MGST1: variants seen among roughly 807,000 people sequenced by gnomAD.
MGST1 encodes the protein glutathione S-transferase 12.
A neutral mutation model predicts 8.9 loss-of-function variants in MGST1; 5 were observed. The ratio of observed to expected loss-of-function variants is 0.56; its 90% confidence interval spans 0.29 to 1.19. MGST1 has a LOEUF of 1.19. Ranked by LOEUF, MGST1 falls within the 50% of genes most tolerant of loss-of-function variation. The pLI is 0.08. For synonymous variants in MGST1, 54 were observed against 67.8 expected (o/e 0.80, Z 1.00); for missense variants, 182 against 187.4 (o/e 0.97, Z 0.17).
intron 1 of MGST1, among the ~76,000 whole-genome samples, chr12:16,384,579 T>A (rs1940487478): frequency 6.6e-6 from 1 of 152,136 alleles, no homozygotes; most frequent in Non-Finnish European, 1.5e-5. Flanking sequence ...TGATTTCAGG[T>A]TTCTGACCTC....
At chr12:16,592,334 A>AC (rs1334531057), downstream of MGST1, among the ~76,000 whole-genome samples, 2 of 151,902 alleles carry the variant, frequency 1.3e-5, no homozygotes, top group Non-Finnish European at 2.9e-5. Flanking sequence ...ACTTTCTAAT[A>AC]TTTTTCCTAA....
chr12:16,550,164 A>G (rs1167227121), intron 4 of MGST1: 1 of 152,090 alleles, frequency 6.6e-6, no homozygotes, highest in Non-Finnish European at 1.5e-5. Flanking sequence ...CATAGCTTCA[A>G]TGTGCATTAT....
rs375612683 is a variant in MGST1, at chr12:16,584,308, C to G, written n.483-5220C>G. The stretch of plus-strand genomic sequence containing the variant: ...TGGGATTTACATGAGTAAGTAGTAC[C>G]TTGCACCTGTTGACAGCTGAAAGAA... On this transcript the variant is annotated intron_variant and non_coding_transcript_variant, in intron 4 of 4. Coordinates refer to the MGST1 transcript ENST00000538857. This position sits in a 1 kb window ranked among gnomAD's most constrained non-coding sequence, Gnocchi z 5.2. Among the ~76,000 whole-genome samples the G allele has an allele frequency of 5.3e-5, 8 of 152,242 alleles. No homozygotes were observed. The South Asian group carries it at 1.0e-3, about 20-fold the overall frequency.
At position 16,369,883 on chromosome 12, in the gene MGST1, G is replaced by T. The variant is rs2137019858; in HGVS notation, c.222-6239G>T. On this transcript the variant is annotated intron_variant, in intron 3 of 3. Coordinates refer to the MGST1 transcript ENST00000535309. This position sits in a 1 kb window ranked among gnomAD's most constrained non-coding sequence, Gnocchi z 4.8. The stretch of plus-strand genomic sequence containing the variant: ...ATCCACCAACATGCCCTTGGCCAGA[G>T]AAAGTCACAGGGCTGGCCTCAGAAC... 6.6e-6 allele frequency: 1 copy of T among 152,368 alleles called. No individual in the cohort carries two copies. Among genetic ancestry groups the T allele is most frequent in the South Asian group, 2.1e-4 (1 of 4,830 alleles). 9.4% of individuals were successfully genotyped at this position (152,368 alleles called of 1,614,324 possible).
At chr12:16,470,450 G>A (rs1342297136) in intron 4 of MGST1, among the ~76,000 whole-genome samples, 5 of 152,160 alleles carry the variant, frequency 3.3e-5, no homozygotes. Context: ...TTGAAGAACA[G>A]CTTTCTTATG....
At chr12:16,398,064 T>A (rs982056297) in intron 1 of MGST1, among the ~76,000 whole-genome samples, 33 of 147,394 alleles carry the variant, frequency 2.2e-4, no homozygotes, top group Admixed American at 2.0e-3. Context: ...TCTTATAGAG[T>A]TTTTTTTCCA....
Position 16,585,457 on chromosome 12 carries a change from TTG to T in MGST1, n.483-4069_483-4068del, listed in dbSNP as rs1943290278. Among the ~76,000 whole-genome samples the T allele has an allele frequency of 6.6e-6, 1 of 152,212 alleles. No individual in the cohort carries two copies. The highest frequency in any genetic ancestry group is 2.4e-5 in the African/African-American group (1 of 41,464). ...TCATCCTACACAGTGAGCATAAATG[TTG>T]TTTCAAATATTGTTCCCAAATATTA... On this transcript the variant is annotated intron_variant and non_coding_transcript_variant, in intron 4 of 4. Transcript: ENST00000538857. This position sits in a 1 kb window ranked among gnomAD's most constrained non-coding sequence, Gnocchi z 4.7.
chr12:16,377,855 G>A (rs1940405698), downstream of MGST1, among the ~76,000 whole-genome samples: 8 of 150,484 alleles, frequency 5.3e-5, no homozygotes, highest in Admixed American at 4.0e-4. Context: ...GTGTGAGATG[G>A]TATCTCATTG....
intron 4 of MGST1, among the ~76,000 whole-genome samples, chr12:16,561,774 A>T (rs1942414774): frequency 6.6e-6 from 1 of 152,196 alleles, no homozygotes; most frequent in South Asian, 2.1e-4. Flanking sequence ...ATGGTTTCTA[A>T]GTGTCTGGCA....
rs1418901226 is a variant in MGST1, at chr12:16,560,268, C to G, written n.483-29260C>G. ...ACCTTTCTTCTCCTTAGTAGCTTGT[C>G]TCTGGCATGGGATTAAAGTTTACAG... On this transcript the variant is annotated intron_variant and non_coding_transcript_variant, in intron 4 of 4. Transcript: ENST00000538857. This position sits in a 1 kb window ranked among gnomAD's most constrained non-coding sequence, Gnocchi z 5.0. The G allele has an allele frequency of 2.5e-6, 2 of 804,358 alleles. No homozygotes were observed. The highest frequency in any genetic ancestry group is 5.7e-5 in the East Asian group (2 of 34,892). 49.8% of individuals were successfully genotyped at this position (804,358 alleles called of 1,614,324 possible).
intron 4 of MGST1, among the ~76,000 whole-genome samples, chr12:16,545,122 CTT>C (rs1941815680): frequency 6.6e-6 from 1 of 151,950 alleles, no homozygotes; most frequent in Non-Finnish European, 1.5e-5. Flanking sequence ...GTACTTGAAA[CTT>C]ATTACATGGG....
intron 3 of MGST1, among the ~76,000 whole-genome samples, chr12:16,372,983 A>AATATAGTATATATT (rs1940321389): frequency 6.8e-6 from 1 of 147,394 alleles, no homozygotes; most frequent in South Asian, 2.1e-4. Flanking sequence ...CATATTATAT[A>AATATAGTATATATT]ATATAGTATA....
chr12:16,355,654 C>T (rs1367601206), intron 2 of MGST1, among the ~76,000 whole-genome samples: 1 of 152,178 alleles, frequency 6.6e-6, no homozygotes, highest in Non-Finnish European at 1.5e-5. Context: ...AGGAAATGTA[C>T]CCTGTCTTAA....
chr12:16,548,327 C>A lies in MGST1; in HGVS notation n.483-41201C>A, dbSNP rs1156397655. 6.6e-6 allele frequency: 1 copy of A among 151,010 alleles called. No homozygotes were observed. The highest frequency in any genetic ancestry group is 1.9e-4 in the East Asian group (1 of 5,156). 9.4% of individuals were successfully genotyped at this position (151,010 alleles called of 1,614,324 possible). A position where few individuals can be genotyped will look rare whatever the true frequency, so the allele number is the denominator to read the frequency against. On this transcript the variant is annotated intron_variant and non_coding_transcript_variant, in intron 4 of 4. Transcript: ENST00000538857. The surrounding 1 kb of genome is among the most constrained non-coding windows in gnomAD (Gnocchi z 4.2). The stretch of plus-strand genomic sequence containing the variant: ...TTTCTTTTCATGGACTTAACATATG[C>A]TTTCTAGAGATCATCTTAAATTTTG...
chr12:16,501,405 G>C (rs1435161037), intron 4 of MGST1, among the ~76,000 whole-genome samples: 1 of 152,194 alleles, frequency 6.6e-6, no homozygotes, highest in Non-Finnish European at 1.5e-5. Flanking sequence ...CACACAGTGT[G>C]GCAAAGATAA....
At chr12:16,488,783 T>A (rs980893806) in intron 4 of MGST1, among the ~76,000 whole-genome samples, 10 of 152,146 alleles carry the variant, frequency 6.6e-5, no homozygotes, top group Non-Finnish European at 1.3e-4. Context: ...TGCATTTTTT[T>A]AATCACTATT....
chr12:16,354,514 GT>G, intron 2 of MGST1, 136 bp downstream of exon 2: 1 of 762,470 alleles, frequency 1.3e-6, no homozygotes. Context: ...GTATGCCATC[GT>G]TTGGCACAGA....
chr12:16,453,023 G>T (rs1387209046), intron 4 of MGST1, among the ~76,000 whole-genome samples: 1 of 151,890 alleles, frequency 6.6e-6, no homozygotes, highest in Non-Finnish European at 1.5e-5. Context: ...AATTTAACAG[G>T]ATTCACATCC....
intron 4 of MGST1, among the ~76,000 whole-genome samples, chr12:16,446,443 TGAG>T (rs1941080341): frequency 6.6e-6 from 1 of 151,928 alleles, no homozygotes; most frequent in Admixed American, 6.6e-5. Flanking sequence ...TTCAGCCTCT[TGAG>T]GAGTCATTCC....
Sources: allele counts gnomAD v4.1 joint callset (sites outside exome capture counted in the v4.1 genomes callset), GRCh38; gene constraint gnomAD v4.1.1; non-coding constraint Gnocchi (gnomAD v3.1); transcripts MANE v1.5; gene names NCBI Gene and HGNC (gene_info 2026-07-23, HGNC 2026-07-21).